Variants in CAMTA2 observed in about 807,000 individuals in gnomAD.
The protein encoded by CAMTA2 is calmodulin binding transcription activator 2.
In CAMTA2, 56 loss-of-function variants were observed where a neutral mutation model predicts 135.7. That is an observed-to-expected ratio of 0.41 (90% CI 0.33 to 0.52). The LOEUF is 0.52. Among genes scored for constraint, CAMTA2 ranks in the 20% least tolerant of loss-of-function variants. CAMTA2 has a pLI of 0.16. For missense variants in CAMTA2, 1,358 were observed against 1,553.4 expected (o/e 0.87, Z 2.11); for synonymous variants, 591 against 604.6 (o/e 0.98, Z 0.33).
chr17:4,976,013 TC>T (rs1271368529), intron 11 of CAMTA2, among the ~76,000 whole-genome samples: 4 of 152,226 alleles, frequency 2.6e-5, no homozygotes, highest in African/African-American at 9.6e-5. Flanking sequence ...GAAATTTTTT[TC>T]TTTTTTTTTG....
rs960606241 is a variant in CAMTA2, at chr17:4,986,254, G to C, written c.-32C>G. The C allele has an allele frequency of 1.1e-5, 18 of 1,565,706 alleles. No homozygotes were observed. Among genetic ancestry groups the C allele is most frequent in the Non-Finnish European group, 1.6e-5 (18 of 1,143,516 alleles). On this transcript the variant is annotated 5_prime_UTR_variant, in exon 2 of 23. Transcript: ENST00000348066. ...GGCTCCAGGGGGCAAGGTCACCCCCGGCCTGAGGGGCCGGGGGGAGGGGGA... is the reference window on the plus strand; with the variant it reads ...GGCTCCAGGGGGCAAGGTCACCCCCCGCCTGAGGGGCCGGGGGGAGGGGGA...
rs759544277 is a variant in CAMTA2 at position 4,986,270 on chromosome 17, G to T, written c.-48C>A. 2 of 1,480,036 alleles carry T rather than the reference G, an allele frequency of 1.4e-6. No individual in the cohort carries two copies. The highest frequency in any genetic ancestry group is 3.7e-5 in the Admixed American group (2 of 53,550). The allele number at this position is 1,480,036 out of a possible 1,614,324, so 91.7% of individuals were successfully genotyped here. ...GTCACCCCCGGCCTGAGGGGCCGGG[G>T]GGAGGGGGAGTCTGTGCTGGGAAGG... On this transcript the variant is annotated 5_prime_UTR_variant, in exon 2 of 23. Coordinates refer to ENST00000348066, the MANE Select transcript of CAMTA2 (RefSeq NM_015099.4).
rs149547578 is a variant in CAMTA2, at chr17:4,976,028, C to T, written c.1900+1030G>A. ...GAAATTTTTTTCTTTTTTTTTGAGA[C>T]GGAGTCTCGCTCTGTCGCCCAGGCT... On this transcript the variant is annotated intron_variant, in intron 11 of 22. Transcript: ENST00000348066. 7.8e-3 allele frequency among the ~76,000 whole-genome samples: 1,180 copies of T among 152,034 alleles called. 7 individuals carry two copies. Among genetic ancestry groups the T allele is most frequent in the Non-Finnish European group, 0.012 (839 of 67,970 alleles).
chr17:4,977,280 G>C, intron 10 of CAMTA2, 88 bp from the exon 11 acceptor site: 1 of 1,519,820 alleles, frequency 6.6e-7, no homozygotes, highest in Non-Finnish European at 8.9e-7. Flanking sequence ...TTATTCCATA[G>C]TTATTTCCCC....
chr17:4,981,844 G>A lies in CAMTA2; in HGVS notation c.412-13C>T. 2 of 1,585,530 alleles carry A rather than the reference G, an allele frequency of 1.3e-6. No homozygotes were observed. Among genetic ancestry groups the A allele is most frequent in the Non-Finnish European group, 8.6e-7 (1 of 1,162,892 alleles). ...CGATGTCAGGGTTCTGAGAGTATAA[G>A]GGGACACACAGAGCCATGGGGTCCT... On this transcript the variant is annotated splice_polypyrimidine_tract_variant and intron_variant, in intron 6 of 22. Coordinates refer to ENST00000348066, the MANE Select transcript of CAMTA2 (RefSeq NM_015099.4).
In CAMTA2 at chr17:4,982,935, C is replaced by T. The variant is rs1240479685; in HGVS notation, c.203+41G>A. The T allele has an allele frequency of 4.3e-6, 7 of 1,614,014 alleles. No individual in the cohort carries two copies. The Admixed American group carries it at 1.2e-4, about 27-fold the overall frequency. ...GCCCTGGAGTTCTGTGAACAGAACC[C>T]AGGACCCCTGCCACTCCCCCATGTT... On this transcript the variant is annotated intron_variant, in intron 4 of 22. Coordinates refer to ENST00000348066, the MANE Select transcript of CAMTA2 (RefSeq NM_015099.4).
rs889944332 is a variant in CAMTA2 at position 4,972,758 on chromosome 17, G to A, written c.2503+11C>T. The stretch of plus-strand genomic sequence containing the variant: ...ACATCCCTCTCTCCAAAAGATTAGG[G>A]CCACCCTCACCAGTGTCTGGGCTGG... On this transcript the variant is annotated intron_variant, in intron 15 of 22. Transcript: ENST00000348066. 1.9e-6 allele frequency: 3 copies of A among 1,610,516 alleles called. No homozygotes were observed. The highest frequency in any genetic ancestry group is 2.5e-6 in the Non-Finnish European group (3 of 1,177,156).
Position 4,968,223 on chromosome 17 carries a change from T to C in CAMTA2, c.*533A>G, listed in dbSNP as rs16954304. 0.064 allele frequency: 16,487 copies of C among 256,240 alleles called. 673 individuals carry two copies. Among genetic ancestry groups the C allele is most frequent in the Middle Eastern group, 0.12 (83 of 676 alleles). The allele number at this position is 256,240 out of a possible 1,614,324, so 15.9% of individuals were successfully genotyped here. A position where few individuals can be genotyped will look rare whatever the true frequency, so the allele number is the denominator to read the frequency against. ...GGGCGGACTCCGCAACGCGTTCCTATGTACACCACCTCCCCTTCGGCCCTG... is the reference window on the plus strand; with the variant it reads ...GGGCGGACTCCGCAACGCGTTCCTACGTACACCACCTCCCCTTCGGCCCTG... On this transcript the variant is annotated 3_prime_UTR_variant, in exon 23 of 23. Coordinates refer to ENST00000348066, the MANE Select transcript of CAMTA2 (RefSeq NM_015099.4).
intron 1 of CAMTA2, among the ~76,000 whole-genome samples, chr17:4,986,659 C>G (rs72838316): frequency 0.093 from 14,112 of 152,100 alleles, 821 homozygotes; most frequent in Middle Eastern, 0.13. Flanking sequence ...GATGGTTTGG[C>G]AAGAGAGCCT....
In CAMTA2 at chr17:4,973,203, T is replaced by G. The variant is rs149451791; in HGVS notation, c.2252A>C (p.Asn751Thr). Residue 751 changes from asparagine (N) to threonine (T), a missense_variant, in exon 14 of 23, where the codon AAC becomes ACC. Physicochemically the swap from Asn to Thr is moderately conservative, Grantham distance 65. This residue lies in a region of CAMTA2 where 1,077 missense variants were observed against 1,127.5 expected (regional missense o/e 0.96). Coordinates refer to ENST00000348066, the MANE Select transcript of CAMTA2 (RefSeq NM_015099.4). The part of the protein sequence containing the change: ...LDLEQEVDPL[N>T]VDHFSCTPLM... ...AGGGGTGCAAGAGAAATGATCCACG[T>G]TGAGCGGGTCAACCTCCTGCTCTAA... 9.8e-4 allele frequency: 1,588 copies of G among 1,614,158 alleles called. 1 individual carries two copies. Among genetic ancestry groups the G allele is most frequent in the Non-Finnish European group, 1.3e-3 (1,475 of 1,179,978 alleles).
In CAMTA2 at chr17:4,981,270, T is replaced by C; in HGVS notation, c.655A>G (p.Lys219Glu). 1.2e-6 allele frequency: 2 copies of C among 1,614,118 alleles called. No homozygotes were observed. Among genetic ancestry groups the C allele is most frequent in the Non-Finnish European group, 1.7e-6 (2 of 1,179,986 alleles). The change falls in exon 8 of 23, where the codon AAG (lysine) becomes GAG (glutamate). Residue 219 changes from lysine (K) to glutamate (E), a missense_variant. Around this residue, in one of 4 missense-constraint regions of CAMTA2, gnomAD observed 1,077 missense variants for 1,127.5 expected, o/e 0.96. Transcript: ENST00000348066. The part of the protein sequence containing the change: ...VQQILDTHPT[K>E]PAPRTHACLC... ...CAGGCGTGGGTTCGGGGAGCAGGCT[T>C]GGTTGGGTGGGTGTCCAAAATCTGC...
chr17:4,969,459 G>T lies in CAMTA2; in HGVS notation c.3282+41C>A. On this transcript the variant is annotated intron_variant, in intron 20 of 22. Coordinates refer to ENST00000348066, the MANE Select transcript of CAMTA2 (RefSeq NM_015099.4). This position sits in a 1 kb window ranked among gnomAD's most constrained non-coding sequence, Gnocchi z 5.6. ...TAACCCACACACTCAAGGAAAGACT[G>T]AATCATCACAGACCTCACACTCAGA... is the stretch of plus-strand genomic sequence containing the variant. The T allele has an allele frequency of 6.2e-7, 1 of 1,612,640 alleles. No individual in the cohort carries two copies. The highest frequency in any genetic ancestry group is 1.1e-5 in the South Asian group (1 of 91,036).
chr17:4,970,184 G>GGA, intron 17 of CAMTA2, 99 bp from the exon 18 acceptor site: 1 of 1,418,470 alleles, frequency 7.0e-7, no homozygotes. Flanking sequence ...AACTGAGTCT[G>GGA]GAGAGTGACT....
rs746802777 is a variant in CAMTA2, at chr17:4,969,775, G to T, written c.3190-74C>A. ...CTGACTTGTCCCTTCAACTTTCCTG[G>T]GGTTCCCCTGACCCTTTACCCCATC... On this transcript the variant is annotated intron_variant, in intron 18 of 22. Transcript: ENST00000348066. The surrounding 1 kb of genome is among the most constrained non-coding windows in gnomAD (Gnocchi z 5.6). 1.9e-6 allele frequency: 3 copies of T among 1,600,416 alleles called. No individual in the cohort carries two copies. The highest frequency in any genetic ancestry group is 2.2e-5 in the South Asian group (2 of 90,694).
At chr17:4,979,032 C>G (rs1234732294) in intron 9 of CAMTA2, among the ~76,000 whole-genome samples, 1 of 152,210 alleles carries the variant, frequency 6.6e-6, no homozygotes, top group African/African-American at 2.4e-5. Context: ...AATCACATCC[C>G]TGATGTTTCT....
chr17:4,968,611 GGGGAGGA>G lies in CAMTA2; in HGVS notation c.*138_*144del, dbSNP rs985307552. The G allele has an allele frequency of 1.2e-6, 1 of 805,896 alleles. No homozygotes were observed. Among genetic ancestry groups the G allele is most frequent in the Non-Finnish European group, 2.0e-6 (1 of 489,722 alleles). 49.9% of individuals were successfully genotyped at this position (805,896 alleles called of 1,614,324 possible). On this transcript the variant is annotated 3_prime_UTR_variant, in exon 23 of 23. Coordinates refer to ENST00000348066, the MANE Select transcript of CAMTA2 (RefSeq NM_015099.4). The stretch of plus-strand genomic sequence containing the variant: ...GGAGAGGGGTGTGGGAGCAAGGCGT[GGGGAGGA>G]GGGAGGAGGCCTACAGAGGGCTCCA...
In CAMTA2 at chr17:4,972,297, G is replaced by A. The variant is rs1183881971; in HGVS notation, c.2743C>T (p.Pro915Ser). The change falls in exon 16 of 23, where the codon CCA becomes TCA. Residue 915 changes from proline to serine, a missense_variant. Pro to Ser is a moderately conservative substitution (Grantham distance 74). This residue lies in a region of CAMTA2 where 1,077 missense variants were observed against 1,127.5 expected (regional missense o/e 0.96). Coordinates refer to ENST00000348066, the MANE Select transcript of CAMTA2 (RefSeq NM_015099.4). The part of the protein sequence containing the change: ...GPLSSLPALP[P>S]ASDDGAAPED... ...GGAGCAGCCCCATCATCTGAAGCTG[G>A]TGGGAGGGCAGGAAGGGAGGAGAGG... is the stretch of plus-strand genomic sequence containing the variant. 2 of 1,613,992 alleles carry A rather than the reference G, an allele frequency of 1.2e-6. No homozygotes were observed. The highest frequency in any genetic ancestry group is 1.7e-5 in the Admixed American group (1 of 60,004).
In CAMTA2 at chr17:4,977,267, C is replaced by G. The variant is rs549448084; in HGVS notation, c.1766-75G>C. 229 of 1,552,060 alleles carry G rather than the reference C, an allele frequency of 1.5e-4. 2 individuals carry two copies. In the South Asian group the frequency reaches 2.5e-3, roughly 17 times the overall value. ...TCTGGCTACCTGTGTCAGCCACAGA[C>G]AATTATTCCATAGTTATTTCCCCTA... On this transcript the variant is annotated intron_variant, in intron 10 of 22. Coordinates refer to ENST00000348066, the MANE Select transcript of CAMTA2 (RefSeq NM_015099.4).
chr17:4,985,747 C>T (rs999450756), intron 3 of CAMTA2, 133 bp downstream of exon 3: 1 of 656,556 alleles, frequency 1.5e-6, no homozygotes, highest in East Asian at 2.7e-5. Flanking sequence ...TTATACCTCT[C>T]CTAGGATCCC....
Sources: allele counts gnomAD v4.1 joint callset (sites outside exome capture counted in the v4.1 genomes callset), GRCh38; gene constraint gnomAD v4.1.1; regional missense constraint gnomAD v4.1.1; non-coding constraint Gnocchi (gnomAD v3.1); transcripts MANE v1.5; gene names NCBI Gene and HGNC (gene_info 2026-07-23, HGNC 2026-07-21).